RGL1: variants seen among roughly 807,000 people sequenced by gnomAD.
RGL1 encodes the protein ral guanine nucleotide dissociation stimulator like 1.
RGL1 carries 24 observed loss-of-function variants against 95.2 expected under a neutral mutation model. The observed-to-expected ratio is 0.25, with a 90% CI of 0.18 to 0.35. The LOEUF (loss-of-function observed/expected upper bound fraction) is 0.35, where lower values mean the gene tolerates loss of function less well. RGL1 is among the 10% of genes least tolerant of loss of function. RGL1 has a pLI of 1.00. For missense variants in RGL1, 715 were observed against 936.3 expected (o/e 0.76, Z 3.08); for synonymous variants, 329 against 344.9 (o/e 0.95, Z 0.51).
chr1:183,795,633 C>G (rs555023237), intron 2 of RGL1, among the ~76,000 whole-genome samples: 3 of 152,048 alleles, frequency 2.0e-5, no homozygotes, highest in Non-Finnish European at 2.9e-5. Flanking sequence ...TGGGCAAGGC[C>G]CTGTGGCATA....
In RGL1 at chr1:183,865,993, C is replaced by T. The variant is rs745789500; in HGVS notation, c.348-3C>T. The T allele has an allele frequency of 6.2e-6, 10 of 1,610,748 alleles. No individual in the cohort carries two copies. In the South Asian group the frequency reaches 9.9e-5, roughly 16 times the overall value. On this transcript the variant is annotated splice_polypyrimidine_tract_variant and splice_region_variant and intron_variant, in intron 3 of 17. Transcript: ENST00000360851. ...GCTTGCTTGTTCATTATTATCTCTACAGGTATGGAAACCTGACAAGCCCAA... is the reference window on the plus strand; with the variant it reads ...GCTTGCTTGTTCATTATTATCTCTATAGGTATGGAAACCTGACAAGCCCAA...
intron 16 of RGL1, among the ~76,000 whole-genome samples, chr1:183,919,237 T>C (rs1305831644): frequency 6.6e-6 from 1 of 152,250 alleles, no homozygotes; most frequent in African/African-American, 2.4e-5. Flanking sequence ...TGTGGCATTG[T>C]TTTCCATTTC....
intron 5 of RGL1, among the ~76,000 whole-genome samples, chr1:183,882,514 T>C: frequency 6.6e-6 from 1 of 152,218 alleles, no homozygotes. Flanking sequence ...GAAATTAGAT[T>C]GCTTAACATC....
chr1:183,792,170 T>A (rs560542215), intron 2 of RGL1, among the ~76,000 whole-genome samples: 4 of 148,120 alleles, frequency 2.7e-5, no homozygotes, highest in Admixed American at 6.8e-5. Context: ...TTTTGTGGGG[T>A]TTTTTTTTTG....
At chr1:183,902,172 G>C (rs1668063155) in intron 11 of RGL1, among the ~76,000 whole-genome samples, 1 of 152,220 alleles carries the variant, frequency 6.6e-6, no homozygotes, top group Non-Finnish European at 1.5e-5. Context: ...ATGCTATGGA[G>C]AAATGACTTC....
intron 2 of RGL1, among the ~76,000 whole-genome samples, chr1:183,794,055 GACACACACAC>G (rs147087444): frequency 1.2e-3 from 180 of 146,014 alleles, no homozygotes; most frequent in Middle Eastern, 3.5e-3. Context: ...AGAAAATGTG[GACACACACAC>G]ACACACACAC....
intron 4 of RGL1, among the ~76,000 whole-genome samples, chr1:183,871,690 T>C (rs1173257653): frequency 6.6e-6 from 1 of 152,154 alleles, no homozygotes; most frequent in Non-Finnish European, 1.5e-5. Flanking sequence ...AGAAGGAAAA[T>C]GTGGAAATAC....
At chr1:183,683,596 A>C (rs10911406) in intron 1 of RGL1, among the ~76,000 whole-genome samples, 12,333 of 152,048 alleles carry the variant, frequency 0.081, 921 homozygotes, top group African/African-American at 0.2. Context: ...TTGCCCTTAA[A>C]AATTTTTCCT....
At chr1:183,875,063 G>A (rs189043974) in intron 4 of RGL1, among the ~76,000 whole-genome samples, 3 of 152,314 alleles carry the variant, frequency 2.0e-5, no homozygotes, top group East Asian at 1.9e-4. Context: ...TATCTGCAGC[G>A]AAGACAAGAT....
chr1:183,742,347 C>G, intron 2 of RGL1: 1 of 1,601,826 alleles, frequency 6.2e-7, no homozygotes. Context: ...ATACCTGAGA[C>G]CATAATTCTT....
At chr1:183,702,171 T>G (rs1306431851) in intron 1 of RGL1, among the ~76,000 whole-genome samples, 1 of 152,176 alleles carries the variant, frequency 6.6e-6, no homozygotes. Context: ...AATTCTGGTA[T>G]GCCAAAGTCA....
chr1:183,912,188 T>G lies in RGL1; in HGVS notation c.1669T>G (p.Ser557Ala). 1 of 1,614,104 alleles carries G rather than the reference T, an allele frequency of 6.2e-7. No homozygotes were observed. The highest frequency in any genetic ancestry group is 8.5e-7 in the Non-Finnish European group (1 of 1,180,014). Reference protein sequence around the residue: ...SGESMDSVSVSSCESNHSEAE... With the variant: ...SGESMDSVSVASCESNHSEAE... Reference sequence around the variant, plus strand: ...TGAAAGCATGGACTCTGTCAGCGTGTCATCCTGCGAGTCGAACCACTCAGA... The same window carrying G: ...TGAAAGCATGGACTCTGTCAGCGTGGCATCCTGCGAGTCGAACCACTCAGA... The change falls in exon 15 of 18, where the codon TCA (serine) becomes GCA (alanine). Residue 557 changes from serine (S) to alanine (A), a missense_variant. This residue lies in a region of RGL1 where 330 missense variants were observed against 429.6 expected (regional missense o/e 0.77). Transcript: ENST00000360851.
chr1:183,785,288 T>C (rs939578700), intron 2 of RGL1, among the ~76,000 whole-genome samples: 4 of 152,228 alleles, frequency 2.6e-5, no homozygotes, highest in African/African-American at 9.6e-5. Flanking sequence ...ACCCGTGAAA[T>C]TACTTTGTAT....
At chr1:183,891,246 C>G (rs960742004) in intron 8 of RGL1, among the ~76,000 whole-genome samples, 1 of 151,490 alleles carries the variant, frequency 6.6e-6, no homozygotes, top group Non-Finnish European at 1.5e-5. Flanking sequence ...TGATATTGCC[C>G]CTATTAATTC....
intron 2 of RGL1, among the ~76,000 whole-genome samples, chr1:183,832,054 GA>G (rs1663294964): frequency 6.6e-6 from 1 of 152,196 alleles, no homozygotes; most frequent in South Asian, 2.1e-4. Flanking sequence ...TTGTACTTTA[GA>G]AAGATCATTT....
rs142643373 is a variant in RGL1, at chr1:183,789,592, A to T, written c.133-16783A>T. 7.4e-4 allele frequency among the ~76,000 whole-genome samples: 112 copies of T among 152,336 alleles called. 3 individuals carry two copies. The East Asian group carries it at 0.015, about 21-fold the overall frequency. The stretch of plus-strand genomic sequence containing the variant: ...TAGGCAAAAGCCAGAGCAATTTGGA[A>T]TCAGAGTATATCAGAGTAAGTCTTA... On this transcript the variant is annotated intron_variant, in intron 2 of 18. Coordinates refer to the RGL1 transcript ENST00000304685.
intron 4 of RGL1, among the ~76,000 whole-genome samples, chr1:183,869,303 A>G (rs750315105): frequency 6.6e-6 from 1 of 152,216 alleles, no homozygotes; most frequent in East Asian, 1.9e-4. Flanking sequence ...AATGTGAATG[A>G]AACTCCAAGC....
chr1:183,725,126 T>C (rs1656239437), intron 1 of RGL1, among the ~76,000 whole-genome samples: 1 of 152,192 alleles, frequency 6.6e-6, no homozygotes, highest in Non-Finnish European at 1.5e-5. Context: ...GGTACCTCTA[T>C]AAGTCTGCAA....
intron 2 of RGL1, among the ~76,000 whole-genome samples, chr1:183,843,409 G>A (rs1664197313): frequency 6.6e-6 from 1 of 152,192 alleles, no homozygotes; most frequent in South Asian, 2.1e-4. Context: ...TTCCGAGTAA[G>A]AAAGTACTGA....
Sources: gnomAD v4.1 joint callset for allele counts (sites outside exome capture counted in the v4.1 genomes callset) on GRCh38, gnomAD v4.1.1 for gene constraint, gnomAD v4.1.1 regional missense constraint, MANE v1.5 for transcripts, NCBI Gene and HGNC (gene_info 2026-07-23, HGNC 2026-07-21) for gene names.